The following MMS22L variants were observed in gnomAD, a reference collection of about 807,000 sequenced individuals.
MMS22L encodes protein MMS22-like.
A neutral mutation model predicts 159.1 loss-of-function variants in MMS22L; 74 were observed. The ratio of observed to expected loss-of-function variants is 0.47; its 90% CI spans 0.39 to 0.56. The LOEUF (loss-of-function observed/expected upper bound fraction) is 0.56, where lower values mean the gene tolerates loss of function less well. Ranked by LOEUF, MMS22L falls within the 20% of genes least tolerant of loss-of-function variation. The pLI is 0.00. For synonymous variants in MMS22L, 517 were observed against 506.9 expected (o/e 1.02, Z -0.27); for missense variants, 1,351 against 1,422.1 (o/e 0.95, Z 0.80).
intron 21 of MMS22L, among the ~76,000 whole-genome samples, chr6:97,163,039 G>C (rs1029545320): frequency 6.6e-6 from 1 of 152,038 alleles, no homozygotes; most frequent in Admixed American, 6.6e-5. Context: ...CTATGTCTTA[G>C]TAATTATTTC....
chr6:97,219,964 T>G (rs369524307), intron 14 of MMS22L, among the ~76,000 whole-genome samples: 14 of 152,328 alleles, frequency 9.2e-5, no homozygotes, highest in African/African-American at 3.1e-4. Context: ...CTCACCCCTA[T>G]GTCTACTATT....
At chr6:97,262,627 T>C (rs571511151) in intron 9 of MMS22L, among the ~76,000 whole-genome samples, 1 of 134,998 alleles carries the variant, frequency 7.4e-6, no homozygotes, top group Non-Finnish European at 1.5e-5. Context: ...CAGTGAGCAC[T>C]CTAGCCTGAG....
chr6:97,157,219 C>A (rs548493022), intron 22 of MMS22L, among the ~76,000 whole-genome samples: 10 of 152,272 alleles, frequency 6.6e-5, no homozygotes, highest in African/African-American at 2.2e-4. Context: ...AGATTTTGGA[C>A]TGAGACGATG....
intron 16 of MMS22L, 39 bp from the exon 17 acceptor site, chr6:97,179,598 C>T (rs752913207): frequency 1.7e-5 from 26 of 1,565,078 alleles, no homozygotes; most frequent in Middle Eastern, 3.5e-4. Context: ...AAAACAAAAA[C>T]GTTTCCTGAG....
intron 14 of MMS22L, among the ~76,000 whole-genome samples, chr6:97,195,116 T>C (rs1314674789): frequency 6.6e-6 from 1 of 152,160 alleles, no homozygotes; most frequent in Non-Finnish European, 1.5e-5. Context: ...AAACATCTTT[T>C]AAGAAGGTGA....
At position 97,214,683 on chromosome 6, in the gene MMS22L, TTG is replaced by T. The variant is rs1491534231; in HGVS notation, c.2039+14209_2039+14210del. ...ATATCATAAGATTTTACTATTTTTT[TTG>T]TTTTTTTTTTTTTTTCAAATCATTT... On this transcript the variant is annotated intron_variant, in intron 14 of 24. Coordinates refer to ENST00000683635, the MANE Select transcript of MMS22L (RefSeq NM_001350599.2). Among the ~76,000 whole-genome samples the T allele has an allele frequency of 1.0e-3, 94 of 92,356 alleles. 1 individual carries two copies. Among genetic ancestry groups the T allele is most frequent in the African/African-American group, 3.3e-3 (89 of 26,794 alleles). The allele number at this position is 92,356 out of a possible 152,430, so 60.6% of individuals were successfully genotyped here. A position where few individuals can be genotyped will look rare whatever the true frequency, so the allele number is the denominator to read the frequency against.
In MMS22L at chr6:97,234,515, C is replaced by T. The variant is rs545247291; in HGVS notation, c.1183-535G>A. Among the ~76,000 whole-genome samples the T allele has an allele frequency of 4.6e-5, 7 of 152,136 alleles. No individual in the cohort carries two copies. In the East Asian group the frequency reaches 1.2e-3, roughly 25 times the overall value. On this transcript the variant is annotated intron_variant, in intron 11 of 24. Coordinates refer to ENST00000683635, the MANE Select transcript of MMS22L (RefSeq NM_001350599.2). ...GATGCTTTTTCTATGACGATATAAC[C>T]ATGCATATATTTTTTAAATAACACA...
rs1810949032 is a variant in MMS22L, at chr6:97,232,198, C to T, written c.1303-546G>A. 2.6e-5 allele frequency among the ~76,000 whole-genome samples: 4 copies of T among 152,118 alleles called. No individual in the cohort carries two copies. In the South Asian group the frequency reaches 6.2e-4, roughly 24 times the overall value. The stretch of plus-strand genomic sequence containing the variant: ...TCCTATTGCATTTAGTAAAAAGGCA[C>T]ATAAGTTCTGACTTTTTGTGATGTT... On this transcript the variant is annotated intron_variant, in intron 12 of 24. Coordinates refer to ENST00000683635, the MANE Select transcript of MMS22L (RefSeq NM_001350599.2).
At chr6:97,202,326 C>T (rs1807263046) in intron 14 of MMS22L, among the ~76,000 whole-genome samples, 1 of 152,200 alleles carries the variant, frequency 6.6e-6, no homozygotes, top group Non-Finnish European at 1.5e-5. Context: ...GTTTACCTGG[C>T]AACCTCTCTA....
At chr6:97,183,672 T>C (rs1263059857) in intron 15 of MMS22L, among the ~76,000 whole-genome samples, 2 of 152,158 alleles carry the variant, frequency 1.3e-5, no homozygotes. Context: ...AAGAGAACTA[T>C]CACAAGCTGC....
At chr6:97,227,828 A>G (rs1455725012) in intron 14 of MMS22L, among the ~76,000 whole-genome samples, 1 of 152,242 alleles carries the variant, frequency 6.6e-6, no homozygotes, top group Non-Finnish European at 1.5e-5. Flanking sequence ...CATGTACTTC[A>G]AAGGTAAAAC....
Position 97,182,048 on chromosome 6 carries a change from G to C in MMS22L, c.2240C>G (p.Thr747Ser), listed in dbSNP as rs189009132. The change falls in exon 16 of 25, where the codon ACT becomes AGT. Residue 747 changes from threonine to serine, a missense_variant. Thr to Ser is a moderately conservative substitution (Grantham distance 58). Transcript: ENST00000683635. The stretch of plus-strand genomic sequence containing the variant: ...GCTTGGCATGTCCATTGCTAGCAAA[G>C]TAAAGTCTAGATTCAAAATGAGAGA... The part of the protein sequence containing the change: ...SQLADAAADF[T>S]LLAMDMPSTA... 3 of 1,608,412 alleles carry C rather than the reference G, an allele frequency of 1.9e-6. No homozygotes were observed. The African/African-American group carries it at 4.0e-5, about 22-fold the overall frequency.
chr6:97,195,972 G>A (rs562890887), intron 14 of MMS22L, among the ~76,000 whole-genome samples: 1 of 152,270 alleles, frequency 6.6e-6, no homozygotes, highest in East Asian at 1.9e-4. Context: ...TGAAAGTTAC[G>A]AGGGACAGTT....
chr6:97,183,992 A>T (rs1804971215), intron 15 of MMS22L, among the ~76,000 whole-genome samples: 1 of 152,152 alleles, frequency 6.6e-6, no homozygotes, highest in South Asian at 2.1e-4. Flanking sequence ...AGATTAATCT[A>T]AATTTGCAGT....
chr6:97,151,880 A>T lies in MMS22L; in HGVS notation c.3386-13T>A. ...GCCAGCCTTTTAACTAGAAGGAAAA[A>T]TTACAGCATTAGGCACTGTGTCTGA... On this transcript the variant is annotated splice_polypyrimidine_tract_variant and intron_variant, in intron 22 of 24. Coordinates refer to ENST00000683635, the MANE Select transcript of MMS22L (RefSeq NM_001350599.2). 6.2e-7 allele frequency: 1 copy of T among 1,602,582 alleles called. No homozygotes were observed. Among genetic ancestry groups the T allele is most frequent in the Non-Finnish European group, 8.5e-7 (1 of 1,169,756 alleles).
chr6:97,278,596 A>T (rs1344103544), intron 4 of MMS22L, among the ~76,000 whole-genome samples: 1 of 152,190 alleles, frequency 6.6e-6, no homozygotes, highest in South Asian at 2.1e-4. Flanking sequence ...CAAAACAAGT[A>T]CTAATTCTCT....
At chr6:97,262,501 T>G (rs1294481878) in intron 9 of MMS22L, among the ~76,000 whole-genome samples, 1 of 151,562 alleles carries the variant, frequency 6.6e-6, no homozygotes, top group Non-Finnish European at 1.5e-5. Context: ...AAAAATTAGC[T>G]GGCCACGGTG....
At chr6:97,240,582 C>T (rs994834337) in intron 11 of MMS22L, among the ~76,000 whole-genome samples, 28 of 151,230 alleles carry the variant, frequency 1.9e-4, no homozygotes, top group East Asian at 7.8e-4. Flanking sequence ...TCTAAGGTTT[C>T]GGTGCACCCA....
chr6:97,167,164 G>A (rs1803037337), intron 20 of MMS22L, among the ~76,000 whole-genome samples: 1 of 151,912 alleles, frequency 6.6e-6, no homozygotes, highest in African/African-American at 2.4e-5. Context: ...ATTTCCAACT[G>A]CCTACCTCAA....
Sources: gnomAD v4.1 joint callset for allele counts (sites outside exome capture counted in the v4.1 genomes callset) on GRCh38, gnomAD v4.1.1 for gene constraint, MANE v1.5 for transcripts, NCBI Gene and HGNC (gene_info 2026-07-23, HGNC 2026-07-21) for gene names.